The following UBTD1 variants were observed in gnomAD, a reference collection of about 807,000 sequenced individuals.
The protein encoded by UBTD1 is ubiquitin domain containing 1, also known as ubiquitin domain-containing protein 1.
In UBTD1, 19 loss-of-function variants were observed where a neutral mutation model predicts 21.7. That is an observed-to-expected ratio of 0.87 (90% CI 0.61 to 1.28). The LOEUF (loss-of-function observed/expected upper bound fraction) is 1.28. UBTD1 is among the 50% of genes most tolerant of loss of function. UBTD1 has a pLI of 0.00. For synonymous variants in UBTD1, 116 were observed against 135.1 expected (o/e 0.86, Z 0.98); for missense variants, 282 against 315.1 (o/e 0.89, Z 0.80).
At chr10:97,527,171 CAAAAAA>C (rs34756643) in intron 1 of UBTD1, among the ~76,000 whole-genome samples, 3 of 66,720 alleles carry the variant, frequency 4.5e-5, no homozygotes, top group African/African-American at 6.4e-5. Flanking sequence ...CTCTTGTCTC[CAAAAAA>C]AAAAAAAAAA....
At chr10:97,507,882 C>T (rs11189244) in intron 1 of UBTD1, among the ~76,000 whole-genome samples, 30,753 of 151,420 alleles carry the variant, frequency 0.2, 3,527 homozygotes, top group East Asian at 0.49. Flanking sequence ...GATGACTCCT[C>T]GTTTGTATGT....
chr10:97,561,136 C>T (rs2040690576), intron 1 of UBTD1, among the ~76,000 whole-genome samples: 1 of 152,088 alleles, frequency 6.6e-6, no homozygotes, highest in South Asian at 2.1e-4. Context: ...TCCGTGGGGG[C>T]CTGCTACGTG....
Position 97,568,150 on chromosome 10 carries a change from G to C in UBTD1, c.298+9G>C. ...CATCACCCTGCCTCATGGTAAGTGG[G>C]CAGGGCCAGGGCTTTATCCCCGCTG... On this transcript the variant is annotated intron_variant, in intron 2 of 2. Transcript: ENST00000370664. 2 of 1,613,350 alleles carry C rather than the reference G, an allele frequency of 1.2e-6. No individual in the cohort carries two copies. The highest frequency in any genetic ancestry group is 1.1e-5 in the South Asian group (1 of 91,030).
chr10:97,570,798 G>A lies in UBTD1; in HGVS notation c.*275G>A. On this transcript the variant is annotated 3_prime_UTR_variant, in exon 3 of 3. Transcript: ENST00000370664. This position sits in a 1 kb window ranked among gnomAD's most constrained non-coding sequence, Gnocchi z 6.6. ...TCCCGAAGCAGGTTCGAGCCACAAG[G>A]GCCAACCAGGAGGCCCCTGGAGCCC... The A allele has an allele frequency of 2.3e-6, 1 of 434,802 alleles. No individual in the cohort carries two copies. The highest frequency in any genetic ancestry group is 3.7e-5 in the East Asian group (1 of 27,200). 26.9% of individuals were successfully genotyped at this position (434,802 alleles called of 1,614,324 possible).
intron 1 of UBTD1, among the ~76,000 whole-genome samples, chr10:97,539,451 T>G (rs987951448): frequency 2.0e-5 from 3 of 151,916 alleles, no homozygotes; most frequent in Admixed American, 6.6e-5. Flanking sequence ...AAAAATTAGC[T>G]GGGTGTGGTG....
intron 1 of UBTD1, among the ~76,000 whole-genome samples, chr10:97,549,080 G>GC (rs1023474232): frequency 2.6e-5 from 4 of 152,232 alleles, no homozygotes; most frequent in African/African-American, 9.6e-5. Flanking sequence ...ACGCATGTGT[G>GC]CCCCCTTGTC....
chr10:97,529,320 T>C (rs2040513988), intron 1 of UBTD1, among the ~76,000 whole-genome samples: 1 of 141,750 alleles, frequency 7.1e-6, no homozygotes, highest in South Asian at 2.3e-4. Flanking sequence ...TCCCAGATGA[T>C]GGGCGGCCAG....
In UBTD1 at chr10:97,566,167, C is replaced by T. The variant is rs568187165; in HGVS notation, c.71-1747C>T. 5.9e-5 allele frequency among the ~76,000 whole-genome samples: 9 copies of T among 152,168 alleles called. No homozygotes were observed. In the East Asian group the frequency reaches 1.7e-3, roughly 29 times the overall value. On this transcript the variant is annotated intron_variant, in intron 1 of 2. Transcript: ENST00000370664. ...TATTTTTAAGGCCCTCATCCCTTAACTCAGTATTTCATAATCTATCCAAAG... is the reference window on the plus strand; with the variant it reads ...TATTTTTAAGGCCCTCATCCCTTAATTCAGTATTTCATAATCTATCCAAAG...
At chr10:97,550,182 G>A (rs184711521) in intron 1 of UBTD1, among the ~76,000 whole-genome samples, 1 of 152,292 alleles carries the variant, frequency 6.6e-6, no homozygotes, top group Non-Finnish European at 1.5e-5. Context: ...AGCAAGCCCA[G>A]ACTTGTCACA....
chr10:97,521,069 C>T (rs1297207436), intron 1 of UBTD1, among the ~76,000 whole-genome samples: 1 of 152,182 alleles, frequency 6.6e-6, no homozygotes, highest in Non-Finnish European at 1.5e-5. Context: ...GACTGAGGCC[C>T]TGGGCCTGCC....
At chr10:97,516,086 T>C (rs932400787) in intron 1 of UBTD1, among the ~76,000 whole-genome samples, 6 of 152,208 alleles carry the variant, frequency 3.9e-5, no homozygotes, top group Non-Finnish European at 5.9e-5. Flanking sequence ...GCTTTTCCAG[T>C]TGGGGCTGTC....
At chr10:97,560,614 C>T (rs2040687862) in intron 1 of UBTD1, among the ~76,000 whole-genome samples, 1 of 152,080 alleles carries the variant, frequency 6.6e-6, no homozygotes, top group Middle Eastern at 3.2e-3. Flanking sequence ...AAACAAGGGA[C>T]CTGTCCAGGC....
intron 2 of UBTD1, among the ~76,000 whole-genome samples, chr10:97,568,724 G>A (rs555088285): frequency 4.1e-4 from 62 of 152,280 alleles, no homozygotes; most frequent in African/African-American, 1.4e-3. Flanking sequence ...GCTGGACACC[G>A]AACTAGAAAC....
At chr10:97,527,776 A>G (rs1019032998) in intron 1 of UBTD1, among the ~76,000 whole-genome samples, 2 of 152,168 alleles carry the variant, frequency 1.3e-5, no homozygotes, top group African/African-American at 4.8e-5. Context: ...GGGTAAGGTC[A>G]TAGATCAACA....
chr10:97,570,034 C>A lies in UBTD1; in HGVS notation c.299-104C>A. On this transcript the variant is annotated intron_variant, in intron 2 of 2. Transcript: ENST00000370664. The surrounding 1 kb of genome is among the most constrained non-coding windows in gnomAD (Gnocchi z 6.6). ...TAGGCCCCATGTCCAAATACAGTCA[C>A]ATTGGGGGTTAGAGTTTCACCATAT... The A allele has an allele frequency of 2.1e-6, 3 of 1,459,452 alleles. No individual in the cohort carries two copies. The highest frequency in any genetic ancestry group is 2.8e-6 in the Non-Finnish European group (3 of 1,087,630). The allele number at this position is 1,459,452 out of a possible 1,614,324, so 90.4% of individuals were successfully genotyped here.
chr10:97,560,509 C>T (rs1329396956), intron 1 of UBTD1, among the ~76,000 whole-genome samples: 1 of 152,106 alleles, frequency 6.6e-6, no homozygotes, highest in African/African-American at 2.4e-5. Context: ...ATTTTAACTA[C>T]TGTGGAGGGG....
chr10:97,567,009 G>C (rs1435960641), intron 1 of UBTD1, among the ~76,000 whole-genome samples: 1 of 152,102 alleles, frequency 6.6e-6, no homozygotes, highest in East Asian at 1.9e-4. Flanking sequence ...GGAGTTTGTT[G>C]GTCATGATTG....
chr10:97,527,188 A>AG (rs1467616829), intron 1 of UBTD1, among the ~76,000 whole-genome samples: 1 of 149,986 alleles, frequency 6.7e-6, no homozygotes, highest in Non-Finnish European at 1.5e-5. Flanking sequence ...AAAAAAAAAA[A>AG]AAAAAAGCCT....
At chr10:97,523,069 C>A (rs539505769) in intron 1 of UBTD1, among the ~76,000 whole-genome samples, 2 of 152,180 alleles carry the variant, frequency 1.3e-5, no homozygotes, top group Non-Finnish European at 2.9e-5. Context: ...CTTTATAATG[C>A]CTTCCTCTTC....
Sources: gnomAD v4.1 joint callset for allele counts (sites outside exome capture counted in the v4.1 genomes callset) on GRCh38, gnomAD v4.1.1 for gene constraint, Gnocchi (gnomAD v3.1) non-coding constraint, MANE v1.5 for transcripts, NCBI Gene and HGNC (gene_info 2026-07-23, HGNC 2026-07-21) for gene names.